PDE10A: variants seen among roughly 807,000 people sequenced by gnomAD.
PDE10A encodes the protein cAMP and cAMP-inhibited cGMP 3',5'-cyclic phosphodiesterase 10A.
A neutral mutation model predicts 97.7 loss-of-function variants in PDE10A; 39 were observed. The ratio of observed to expected loss-of-function variants is 0.40; its 90% CI spans 0.31 to 0.52. PDE10A has a LOEUF of 0.52. PDE10A is among the 20% of genes least tolerant of loss of function. The pLI is 0.56. For missense variants in PDE10A, 731 were observed against 1,047.8 expected, an observed-to-expected ratio of 0.70 and a Z score of 4.17; for synonymous variants, 371 against 376.8, an observed-to-expected ratio of 0.98 and a Z score of 0.18.
intron 1 of PDE10A, among the ~76,000 whole-genome samples, chr6:165,653,058 A>C (rs1160782112): frequency 2.0e-5 from 3 of 152,218 alleles, no homozygotes; most frequent in Non-Finnish European, 2.9e-5. Flanking sequence ...ATTACATGAA[A>C]ATATTATAAA....
intron 1 of PDE10A, among the ~76,000 whole-genome samples, chr6:165,738,050 T>G (rs1281022355): frequency 1.4e-4 from 22 of 152,066 alleles, no homozygotes; most frequent in Admixed American, 1.3e-3. Context: ...TTAGGGTACA[T>G]GTGCACATTG....
At chr6:165,849,373 G>A (rs1291944723) in intron 1 of PDE10A, among the ~76,000 whole-genome samples, 5 of 152,162 alleles carry the variant, frequency 3.3e-5, no homozygotes, top group African/African-American at 4.8e-5. Context: ...CATCCATCCC[G>A]CTTTTGGGGG....
At chr6:165,853,770 T>C (rs113046468) in intron 1 of PDE10A, among the ~76,000 whole-genome samples, 206 of 152,332 alleles carry the variant, frequency 1.4e-3, no homozygotes, top group African/African-American at 4.6e-3. Context: ...AGCCCTTCTA[T>C]AACTTTTAGG....
At chr6:165,532,765 T>A (rs1782860000) in intron 2 of PDE10A, among the ~76,000 whole-genome samples, 1 of 152,164 alleles carries the variant, frequency 6.6e-6, no homozygotes. Context: ...AGCGGCCTAG[T>A]TCAACCACTC....
chr6:165,555,865 T>C (rs1049186372), intron 1 of PDE10A, among the ~76,000 whole-genome samples: 2 of 152,074 alleles, frequency 1.3e-5, no homozygotes, highest in African/African-American at 4.8e-5. Flanking sequence ...GCCAGAGGAA[T>C]GTGAAGTCAA....
chr6:165,920,723 T>C (rs1007425779), intron 1 of PDE10A, among the ~76,000 whole-genome samples: 4 of 152,218 alleles, frequency 2.6e-5, no homozygotes, highest in African/African-American at 4.8e-5. Flanking sequence ...TCTACTTCAA[T>C]CTTTCTATTT....
In PDE10A at chr6:165,431,411, C is replaced by G. The variant is rs1217173239; in HGVS notation, c.1542+11G>C. On this transcript the variant is annotated intron_variant, in intron 8 of 21. Transcript: ENST00000539869. Reference sequence around the variant, plus strand: ...TTAGGAAGCCCCTGCAAAAACACCCCAAAGACTCACCTGCACCTGATGTAT... The same window carrying G: ...TTAGGAAGCCCCTGCAAAAACACCCGAAAGACTCACCTGCACCTGATGTAT... 6.3e-7 allele frequency: 1 copy of G among 1,590,008 alleles called. No individual in the cohort carries two copies. Among genetic ancestry groups the G allele is most frequent in the South Asian group, 1.1e-5 (1 of 88,470 alleles).
At chr6:165,566,705 C>A (rs1245576658) in intron 1 of PDE10A, among the ~76,000 whole-genome samples, 1 of 152,148 alleles carries the variant, frequency 6.6e-6, no homozygotes, top group Non-Finnish European at 1.5e-5. Context: ...GTTCTAAAGG[C>A]AACCAACAGC....
At chr6:165,691,796 C>T (rs551058381) in intron 1 of PDE10A, among the ~76,000 whole-genome samples, 7 of 152,332 alleles carry the variant, frequency 4.6e-5, no homozygotes, top group African/African-American at 1.7e-4. Context: ...CCTGAGGCAG[C>T]CTGGCTGCGT....
rs1789924863 is a variant in PDE10A at position 165,655,833 on chromosome 6, G to T, written c.865+6114C>A. ...CCCATTTGCCACTTCACTTGCCACT[G>T]CCTGGTGGGCTCAGCTCCAGCACGG... On this transcript the variant is annotated intron_variant, in intron 1 of 21. Coordinates refer to ENST00000539869, the MANE Select transcript of PDE10A (RefSeq NM_001385079.1). The surrounding 1 kb of genome is among the most constrained non-coding windows in gnomAD (Gnocchi z 4.5). Among the ~76,000 whole-genome samples, 3 of 152,074 alleles carry T rather than the reference G, an allele frequency of 2.0e-5. No individual in the cohort carries two copies. The highest frequency in any genetic ancestry group is 2.0e-4 in the Admixed American group (3 of 15,278).
intron 1 of PDE10A, among the ~76,000 whole-genome samples, chr6:165,849,693 C>T (rs1238937105): frequency 3.9e-5 from 6 of 152,168 alleles, no homozygotes; most frequent in South Asian, 2.1e-4. Flanking sequence ...CTGTGAGAGC[C>T]GGGGGCCCAG....
intron 1 of PDE10A, among the ~76,000 whole-genome samples, chr6:165,866,821 C>G (rs1781068513): frequency 6.6e-6 from 1 of 151,484 alleles, no homozygotes; most frequent in Non-Finnish European, 1.5e-5. Flanking sequence ...ACCTGCCACC[C>G]AAGAATGCTA....
intron 1 of PDE10A, among the ~76,000 whole-genome samples, chr6:165,832,628 G>A (rs1056885569): frequency 6.6e-6 from 1 of 152,248 alleles, no homozygotes; most frequent in African/African-American, 2.4e-5. Flanking sequence ...CAGTATCAGC[G>A]TTCCCACCCA....
intron 3 of PDE10A, among the ~76,000 whole-genome samples, chr6:165,475,914 C>T (rs1241849060): frequency 6.6e-6 from 1 of 152,122 alleles, no homozygotes; most frequent in African/African-American, 2.4e-5. Flanking sequence ...TGATCAACTC[C>T]CCCTGTGAGA....
At chr6:165,779,275 C>A (rs1778282198) in intron 1 of PDE10A, among the ~76,000 whole-genome samples, 1 of 151,212 alleles carries the variant, frequency 6.6e-6, no homozygotes, top group African/African-American at 2.4e-5. Context: ...ATGCAAGGGG[C>A]CTTTTCACTT....
At chr6:165,983,927 G>A (rs574591679) in intron 1 of PDE10A, among the ~76,000 whole-genome samples, 12 of 152,216 alleles carry the variant, frequency 7.9e-5, no homozygotes, top group Non-Finnish European at 1.5e-4. Flanking sequence ...GTGCACAGCC[G>A]TGTATTCATA....
intron 3 of PDE10A, 80 bp from the exon 4 acceptor site, chr6:165,450,442 A>G: frequency 1.6e-6 from 1 of 638,024 alleles, no homozygotes; most frequent in Non-Finnish European, 2.5e-6. Flanking sequence ...AAGACATACT[A>G]TTAATATATG....
At chr6:165,398,840 C>T (rs1786400980) in intron 13 of PDE10A, among the ~76,000 whole-genome samples, 1 of 152,046 alleles carries the variant, frequency 6.6e-6, no homozygotes, top group African/African-American at 2.4e-5. Flanking sequence ...TACACCTAAA[C>T]GTAAAATGTG....
At chr6:165,625,472 G>C (rs1788338668) in intron 1 of PDE10A, among the ~76,000 whole-genome samples, 1 of 152,208 alleles carries the variant, frequency 6.6e-6, no homozygotes, top group South Asian at 2.1e-4. Context: ...TCAGAGGTAA[G>C]GGTAGAAACT....
Sources: gnomAD v4.1 joint callset for allele counts (sites outside exome capture counted in the v4.1 genomes callset) on GRCh38, gnomAD v4.1.1 for gene constraint, Gnocchi (gnomAD v3.1) non-coding constraint, MANE v1.5 for transcripts, NCBI Gene and HGNC (gene_info 2026-07-23, HGNC 2026-07-21) for gene names.